Variants in CLIP1 observed in about 807,000 individuals in gnomAD.
CLIP1 encodes CAP-Gly domain containing linker protein 1, also known as CAP-Gly domain-containing linker protein 1.
CLIP1 carries 66 observed loss-of-function variants against 161.6 expected under a neutral mutation model. The ratio of observed to expected loss-of-function variants is 0.41; its 90% CI spans 0.33 to 0.50. The LOEUF is 0.50. Ranked by LOEUF, CLIP1 falls within the 20% of genes least tolerant of loss-of-function variation. The probability of loss-of-function intolerance (pLI) is 0.27; values close to 1 mark genes in which losing one functional copy is unlikely to be tolerated. For synonymous variants in CLIP1, 598 were observed against 626.2 expected (o/e 0.96, Z 0.67); for missense variants, 1,376 against 1,702.0 (o/e 0.81, Z 3.37).
intron 24 of CLIP1, chr12:122,277,867 T>C (rs1955494105): frequency 2.8e-6 from 1 of 358,816 alleles, no homozygotes; most frequent in Admixed American, 4.4e-5. Context: ...ACTGTATTAG[T>C]GCTGGCTTGT....
intron 1 of CLIP1, among the ~76,000 whole-genome samples, chr12:122,387,686 A>G (rs779150602): frequency 2.8e-5 from 4 of 144,356 alleles, no homozygotes; most frequent in African/African-American, 5.2e-5. Flanking sequence ...TGTAGCCTCA[A>G]CCTCCTGGAC....
At chr12:122,404,307 A>G (rs902628667) in intron 1 of CLIP1, among the ~76,000 whole-genome samples, 2 of 152,158 alleles carry the variant, frequency 1.3e-5, no homozygotes, top group African/African-American at 4.8e-5. Context: ...TTAAAAGGTA[A>G]CAGAATAGGC....
intron 10 of CLIP1, 94 bp downstream of exon 10, chr12:122,347,280 TG>T: frequency 1.2e-6 from 1 of 868,570 alleles, no homozygotes; most frequent in Non-Finnish European, 1.9e-6. Context: ...GTTGAACCAC[TG>T]GGTCAAGGCT....
At chr12:122,370,361 T>C (rs1306687187) in intron 3 of CLIP1, among the ~76,000 whole-genome samples, 4 of 152,150 alleles carry the variant, frequency 2.6e-5, no homozygotes, top group African/African-American at 9.7e-5. Flanking sequence ...TAGATCACGA[T>C]GTGTTGGTCT....
At chr12:122,358,759 AAAAG>A (rs1172716795) in intron 5 of CLIP1, among the ~76,000 whole-genome samples, 1 of 151,470 alleles carries the variant, frequency 6.6e-6, no homozygotes, top group Non-Finnish European at 1.5e-5. Context: ...AAAAAAAAAA[AAAAG>A]AATGAATTGG....
intron 21 of CLIP1, among the ~76,000 whole-genome samples, chr12:122,284,760 ATC>A (rs1458863096): frequency 6.6e-6 from 1 of 152,168 alleles, no homozygotes; most frequent in Non-Finnish European, 1.5e-5. Context: ...TAAGTACATC[ATC>A]TCTTTTTTAA....
At chr12:122,332,855 G>A (rs781466792) in intron 15 of CLIP1, 132 bp downstream of exon 15, 25 of 667,358 alleles carry the variant, frequency 3.7e-5, no homozygotes, top group Non-Finnish European at 5.5e-5. Context: ...ACACAATGAG[G>A]TAATAACAGA....
At chr12:122,416,883 A>T (rs920355808) in intron 1 of CLIP1, among the ~76,000 whole-genome samples, 1 of 151,950 alleles carries the variant, frequency 6.6e-6, no homozygotes, top group Non-Finnish European at 1.5e-5. Context: ...CTGGGCAACA[A>T]GAGCGACACT....
chr12:122,318,598 AG>A, intron 18 of CLIP1, among the ~76,000 whole-genome samples: 1 of 152,348 alleles, frequency 6.6e-6, no homozygotes, highest in Non-Finnish European at 1.5e-5. Context: ...GAAGTTCCAC[AG>A]GACTTCACAT....
At chr12:122,345,356 T>C (rs1230933286) in intron 10 of CLIP1, among the ~76,000 whole-genome samples, 1 of 151,878 alleles carries the variant, frequency 6.6e-6, no homozygotes, top group Non-Finnish European at 1.5e-5. Flanking sequence ...AAGCAGGGTA[T>C]CACCACCTTG....
intron 1 of CLIP1, among the ~76,000 whole-genome samples, chr12:122,386,890 A>G (rs938728766): frequency 6.6e-6 from 1 of 151,744 alleles, no homozygotes; most frequent in Non-Finnish European, 1.5e-5. Flanking sequence ...CATCCTGCCA[A>G]TCGTGACTTG....
At chr12:122,395,642 T>C (rs1017115545) in intron 1 of CLIP1, 1 of 152,184 alleles carries the variant, frequency 6.6e-6, no homozygotes, top group Non-Finnish European at 1.5e-5. Context: ...TTTTCTCCAC[T>C]GCTGACCAGC....
chr12:122,355,179 T>C lies in CLIP1; in HGVS notation c.1139A>G (p.Lys380Arg). Reference sequence around the variant, plus strand: ...TATCTCCCCCACGTGGCTCGTGGCCTTGGCCACCTCCGCCCTCTCCAGATC... The same window carrying C: ...TATCTCCCCCACGTGGCTCGTGGCCCTGGCCACCTCCGCCCTCTCCAGATC... ...ERDLERAEVA[K>R]ATSHVGEIEQ... Residue 380 changes from lysine (K) to arginine (R), a missense_variant, in exon 6 of 26, where the codon AAG becomes AGG. Lys to Arg is a conservative substitution (Grantham distance 26, BLOSUM62 2). Transcript: ENST00000620786. The surrounding 1 kb of genome is among the most constrained non-coding windows in gnomAD (Gnocchi z 4.1). The C allele has an allele frequency of 2.5e-6, 4 of 1,614,206 alleles. No homozygotes were observed. The South Asian group carries it at 4.4e-5, about 18-fold the overall frequency.
chr12:122,379,474 C>T (rs1320351424), intron 2 of CLIP1, among the ~76,000 whole-genome samples: 1 of 148,742 alleles, frequency 6.7e-6, no homozygotes, highest in Non-Finnish European at 1.5e-5. Context: ...TTTAGCCAGA[C>T]GTGGTGGAGC....
intron 18 of CLIP1, among the ~76,000 whole-genome samples, chr12:122,318,390 A>G (rs1176417957): frequency 6.6e-6 from 1 of 152,234 alleles, no homozygotes; most frequent in South Asian, 2.1e-4. Flanking sequence ...AAAATTAGCC[A>G]GGCGTGGTAG....
At chr12:122,374,119 C>G (rs1052544719) in intron 3 of CLIP1, among the ~76,000 whole-genome samples, 2 of 151,950 alleles carry the variant, frequency 1.3e-5, no homozygotes, top group African/African-American at 4.8e-5. Flanking sequence ...GAGCGGATCA[C>G]GAGGTCAGGA....
Position 122,328,245 on chromosome 12 carries a change from C to A in CLIP1, c.3033+16G>T, listed in dbSNP as rs763915630. ...CCTTCCTTGCCAGCCAACAGGCCCACTGAGTATCTCCTTACCAGGTCCGAC... is the reference window on the plus strand; with the variant it reads ...CCTTCCTTGCCAGCCAACAGGCCCAATGAGTATCTCCTTACCAGGTCCGAC... On this transcript the variant is annotated intron_variant, in intron 16 of 25. Transcript: ENST00000620786. The A allele has an allele frequency of 6.2e-7, 1 of 1,613,660 alleles. No individual in the cohort carries two copies. The highest frequency in any genetic ancestry group is 2.2e-5 in the East Asian group (1 of 44,842).
At chr12:122,396,933 ATTTTTTTTTT>A (rs34381270) in intron 1 of CLIP1, among the ~76,000 whole-genome samples, 2 of 75,058 alleles carry the variant, frequency 2.7e-5, no homozygotes, top group Non-Finnish European at 4.7e-5. Flanking sequence ...CACCCGGCAA[ATTTTTTTTTT>A]TTTTTTTTTT....
At chr12:122,367,019 C>A (rs1367127531) in intron 3 of CLIP1, among the ~76,000 whole-genome samples, 2 of 152,154 alleles carry the variant, frequency 1.3e-5, no homozygotes. Context: ...AGCAGTCCAG[C>A]CAGCATCATG....
Sources: allele counts gnomAD v4.1 joint callset (sites outside exome capture counted in the v4.1 genomes callset), GRCh38; gene constraint gnomAD v4.1.1; non-coding constraint Gnocchi (gnomAD v3.1); transcripts MANE v1.5; gene names NCBI Gene and HGNC (gene_info 2026-07-23, HGNC 2026-07-21).